Variants in SESTD1 observed in about 807,000 individuals in gnomAD.
The protein encoded by SESTD1 is SEC14 domain and spectrin repeat-containing protein 1.
Under a neutral mutation model 101.7 loss-of-function variants are expected in SESTD1, and 43 were observed. The ratio of observed to expected loss-of-function variants is 0.42; its 90% CI spans 0.33 to 0.55. SESTD1 has a LOEUF of 0.55. Among genes scored for constraint, SESTD1 ranks in the 20% least tolerant of loss-of-function variants. SESTD1 has a pLI of 0.07. For synonymous variants in SESTD1, 283 were observed against 286.8 expected, an observed-to-expected ratio of 0.99 and a Z score of 0.13; for missense variants, 647 against 815.1, an observed-to-expected ratio of 0.79 and a Z score of 2.51.
intron 10 of SESTD1, among the ~76,000 whole-genome samples, chr2:179,128,174 G>A (rs979367106): frequency 2.0e-5 from 3 of 152,156 alleles, no homozygotes; most frequent in Admixed American, 2.0e-4. Context: ...TGCCTGTTAA[G>A]GTTTAGGAAT....
intron 1 of SESTD1, among the ~76,000 whole-genome samples, chr2:179,239,468 G>GA (rs1192428438): frequency 6.6e-6 from 1 of 152,064 alleles, no homozygotes; most frequent in Non-Finnish European, 1.5e-5. Context: ...AGCATTCTGG[G>GA]AAAGAACTTT....
intron 17 of SESTD1, among the ~76,000 whole-genome samples, chr2:179,111,457 T>C (rs2044504206): frequency 6.6e-6 from 1 of 152,162 alleles, no homozygotes; most frequent in Non-Finnish European, 1.5e-5. Context: ...GAGTGTTACA[T>C]GGCAGTTTTT....
chr2:179,128,896 T>C (rs542380264), intron 10 of SESTD1, among the ~76,000 whole-genome samples: 4 of 152,042 alleles, frequency 2.6e-5, no homozygotes, highest in East Asian at 1.9e-4. Context: ...CACCAATATA[T>C]GGGATTTGGA....
chr2:179,160,306 C>T (rs888625832), intron 5 of SESTD1, among the ~76,000 whole-genome samples: 1 of 151,830 alleles, frequency 6.6e-6, no homozygotes, highest in South Asian at 2.1e-4. Context: ...AATATGAAAA[C>T]GAAGAAACAA....
At chr2:179,117,444 A>C (rs2044657524) in intron 14 of SESTD1, 88 bp downstream of exon 14, 3 of 1,197,100 alleles carry the variant, frequency 2.5e-6, no homozygotes, top group Non-Finnish European at 3.5e-6. Context: ...CTTTTTTAGG[A>C]CCATGAAAAG....
intron 2 of SESTD1, among the ~76,000 whole-genome samples, chr2:179,187,019 A>G (rs538474459): frequency 6.6e-6 from 1 of 152,180 alleles, no homozygotes; most frequent in Non-Finnish European, 1.5e-5. Context: ...ACATCCCACC[A>G]AACTAAGCTT....
intron 7 of SESTD1, among the ~76,000 whole-genome samples, chr2:179,146,806 T>A (rs2045405324): frequency 6.6e-6 from 1 of 152,106 alleles, no homozygotes; most frequent in South Asian, 2.1e-4. Context: ...AACCCAGAAA[T>A]GTAACATTAA....
intron 8 of SESTD1, 76 bp downstream of exon 8, chr2:179,146,326 A>T: frequency 4.5e-6 from 6 of 1,338,680 alleles, no homozygotes; most frequent in Non-Finnish European, 2.1e-6. Context: ...TTCATGCTGA[A>T]TTCATGTTTA....
At chr2:179,251,350 CTT>C (rs2047314657) in intron 1 of SESTD1, among the ~76,000 whole-genome samples, 1 of 152,200 alleles carries the variant, frequency 6.6e-6, no homozygotes, top group Admixed American at 6.5e-5. Context: ...CCCGAAACCT[CTT>C]TTGTACTTTC....
rs142633544 is a variant in SESTD1, at chr2:179,144,477, C to T, written c.638-674G>A. Among the ~76,000 whole-genome samples the T allele has an allele frequency of 1.5e-3, 227 of 152,126 alleles. 2 individuals are homozygous for T. Among genetic ancestry groups the T allele is most frequent in the African/African-American group, 4.8e-3 (200 of 41,548 alleles). On this transcript the variant is annotated intron_variant, in intron 8 of 17. Transcript: ENST00000428443. ...ATGAATGTGACTCAATTACAGCAAA[C>T]TCATGTAGAAAATCCACTCATACAT...
intron 4 of SESTD1, among the ~76,000 whole-genome samples, chr2:179,172,594 C>T (rs551710470): frequency 2.6e-4 from 40 of 152,184 alleles, no homozygotes; most frequent in African/African-American, 7.5e-4. Flanking sequence ...TTTTTTCTAA[C>T]ACAATCATCT....
chr2:179,203,588 A>G (rs1235413189), intron 1 of SESTD1, among the ~76,000 whole-genome samples: 1 of 134,700 alleles, frequency 7.4e-6, no homozygotes, highest in Non-Finnish European at 1.6e-5. Context: ...CCTGAGTTGT[A>G]TCCTTTATAA....
chr2:179,241,113 G>A (rs1162583506), intron 1 of SESTD1, among the ~76,000 whole-genome samples: 2 of 151,876 alleles, frequency 1.3e-5, no homozygotes, highest in South Asian at 2.1e-4. Context: ...GCAGAATGAG[G>A]GCACAAACAA....
chr2:179,126,250 A>G (rs1395247519), intron 10 of SESTD1, among the ~76,000 whole-genome samples: 1 of 152,148 alleles, frequency 6.6e-6, no homozygotes, highest in Non-Finnish European at 1.5e-5. Flanking sequence ...TTCTGAAACC[A>G]ATTGTCAAAT....
intron 9 of SESTD1, among the ~76,000 whole-genome samples, chr2:179,140,015 C>T (rs1316564424): frequency 6.6e-5 from 10 of 152,188 alleles, no homozygotes; most frequent in African/African-American, 2.2e-4. Context: ...AAGGAGCTCT[C>T]GCTCTTACAT....
intron 10 of SESTD1, chr2:179,132,071 T>C: frequency 5.5e-6 from 2 of 363,944 alleles, no homozygotes; most frequent in East Asian, 4.6e-5. Context: ...TTCATGCAAA[T>C]TGTGCTTCTA....
rs140666272 is a variant in SESTD1 at position 179,212,179 on chromosome 2, G to A, written c.-25-20313C>T. ...CAGTGTAGCACATGGAGGGCAAGCCGAAGCAGGGCGGGGAGTTGCTTCACC... is the reference window on the plus strand; with the variant it reads ...CAGTGTAGCACATGGAGGGCAAGCCAAAGCAGGGCGGGGAGTTGCTTCACC... On this transcript the variant is annotated intron_variant, in intron 1 of 17. Transcript: ENST00000428443. Among the ~76,000 whole-genome samples, 506 of 134,140 alleles carry A rather than the reference G, an allele frequency of 3.8e-3. 108 individuals are homozygous for A. Among genetic ancestry groups the A allele is most frequent in the Non-Finnish European group, 4.7e-3 (293 of 62,570 alleles). 88.0% of individuals were successfully genotyped at this position (134,140 alleles called of 152,430 possible).
Position 179,254,274 on chromosome 2 carries a change from A to T in SESTD1, c.-26+10225T>A, listed in dbSNP as rs1334361036. On this transcript the variant is annotated intron_variant, in intron 1 of 17. Coordinates refer to ENST00000428443, the MANE Select transcript of SESTD1 (RefSeq NM_178123.5). ...AAAAATTTAGGAGCTAAAAAAGAAA[A>T]CCTAATCTACTCCATCTATCCATTA... 2.0e-5 allele frequency among the ~76,000 whole-genome samples: 3 copies of T among 152,118 alleles called. No individual in the cohort carries two copies. In the East Asian group the frequency reaches 5.8e-4, roughly 29 times the overall value.
At chr2:179,157,851 A>G (rs1207676004) in intron 5 of SESTD1, among the ~76,000 whole-genome samples, 1 of 152,172 alleles carries the variant, frequency 6.6e-6, no homozygotes. Flanking sequence ...TTTCTTTGCA[A>G]TATTTCTCTG....
Sources: allele counts gnomAD v4.1 joint callset (sites outside exome capture counted in the v4.1 genomes callset), GRCh38; gene constraint gnomAD v4.1.1; transcripts MANE v1.5; gene names NCBI Gene and HGNC (gene_info 2026-07-23, HGNC 2026-07-21).